TRPC6: variants seen among roughly 807,000 people sequenced by gnomAD.
The protein encoded by TRPC6 is transient receptor potential cation channel subfamily C member 6.
TRPC6 carries 55 observed loss-of-function variants against 90.7 expected under a neutral mutation model. That is an observed-to-expected ratio of 0.61 (90% CI 0.49 to 0.76). The LOEUF is 0.76. Ranked by LOEUF, TRPC6 falls within the 30% of genes least tolerant of loss-of-function variation. The pLI is 0.00. For missense variants in TRPC6, 989 were observed against 1,122.7 expected (o/e 0.88, Z 1.70); for synonymous variants, 393 against 393.0 (o/e 1.00, Z 0.00).
chr11:101,453,849 C>T, intron 11 of TRPC6, 124 bp from the exon 12 acceptor site: 2 of 898,784 alleles, frequency 2.2e-6, no homozygotes, highest in South Asian at 1.4e-5. Flanking sequence ...CTGTCAAGGA[C>T]TAAGATGATT....
chr11:101,548,002 A>C (rs574041476), intron 1 of TRPC6, among the ~76,000 whole-genome samples: 1 of 152,240 alleles, frequency 6.6e-6, no homozygotes, highest in South Asian at 2.1e-4. Flanking sequence ...AACTGTATCC[A>C]GGAGATGCCA....
At chr11:101,520,022 A>T in intron 1 of TRPC6, 1 of 152,104 alleles carries the variant, frequency 6.6e-6, no homozygotes, top group East Asian at 2.0e-4. Context: ...ACCTGAGCAC[A>T]CACTCTCAAT....
intron 9 of TRPC6, among the ~76,000 whole-genome samples, chr11:101,470,893 A>G (rs985627194): frequency 6.8e-6 from 1 of 147,784 alleles, no homozygotes; most frequent in African/African-American, 2.5e-5. Context: ...ACATGTAGCC[A>G]TAACAGCAAA....
chr11:101,486,460 A>G (rs1019584195), intron 4 of TRPC6, among the ~76,000 whole-genome samples: 1 of 152,164 alleles, frequency 6.6e-6, no homozygotes, highest in Non-Finnish European at 1.5e-5. Context: ...GTATTTATTG[A>G]TGACTAAATA....
At chr11:101,479,872 A>G (rs1246358639) in intron 5 of TRPC6, among the ~76,000 whole-genome samples, 4 of 152,190 alleles carry the variant, frequency 2.6e-5, no homozygotes, top group Non-Finnish European at 5.9e-5. Flanking sequence ...AAAAATATAT[A>G]TAAAGTTTAA....
intron 1 of TRPC6, among the ~76,000 whole-genome samples, chr11:101,510,841 G>A (rs1407533950): frequency 6.6e-6 from 1 of 152,102 alleles, no homozygotes; most frequent in Non-Finnish European, 1.5e-5. Context: ...TCTACTTCCT[G>A]TTCAACTATG....
chr11:101,453,419 C>A (rs1858808740), intron 12 of TRPC6, among the ~76,000 whole-genome samples: 1 of 152,152 alleles, frequency 6.6e-6, no homozygotes. Flanking sequence ...CCCTCCAAGT[C>A]CACCATAAGA....
intron 1 of TRPC6, among the ~76,000 whole-genome samples, chr11:101,573,190 C>T (rs1486134323): frequency 3.3e-5 from 5 of 152,078 alleles, no homozygotes; most frequent in Admixed American, 3.3e-4. Flanking sequence ...TTGTATAAGG[C>T]AGGCATTAAT....
At chr11:101,531,910 C>T (rs1860920259) in intron 1 of TRPC6, among the ~76,000 whole-genome samples, 1 of 152,170 alleles carries the variant, frequency 6.6e-6, no homozygotes, top group Non-Finnish European at 1.5e-5. Context: ...CTCCTATCTG[C>T]CTGTTTTAGC....
intron 1 of TRPC6, among the ~76,000 whole-genome samples, chr11:101,559,235 G>T (rs58720814): frequency 0.029 from 4,461 of 152,138 alleles, 218 homozygotes; most frequent in African/African-American, 0.088. Context: ...CATCCAAATG[G>T]CCAGAGATAT....
intron 1 of TRPC6, among the ~76,000 whole-genome samples, chr11:101,514,962 TC>T (rs1297438208): frequency 3.9e-5 from 6 of 152,190 alleles, no homozygotes; most frequent in Admixed American, 2.6e-4. Flanking sequence ...GAATCCTTAC[TC>T]TGTCAGTTAC....
Position 101,452,507 on chromosome 11 carries a change from T to C in TRPC6, c.*448A>G. On this transcript the variant is annotated 3_prime_UTR_variant, in exon 13 of 13. Coordinates refer to ENST00000344327, the MANE Select transcript of TRPC6 (RefSeq NM_004621.6). ...AGGATTAAAGCATTCTAAAGGCCCA[T>C]GGGCTACTTTTTCCCAAATTTCAGA... The C allele has an allele frequency of 5.5e-6, 1 of 180,256 alleles. No homozygotes were observed. Among genetic ancestry groups the C allele is most frequent in the Admixed American group, 5.4e-5 (1 of 18,532 alleles). The allele number at this position is 180,256 out of a possible 1,614,324, so 11.2% of individuals were successfully genotyped here. A position where few individuals can be genotyped will look rare whatever the true frequency, so the allele number is the denominator to read the frequency against.
chr11:101,507,958 C>A (rs942628152), intron 1 of TRPC6, among the ~76,000 whole-genome samples: 1 of 151,890 alleles, frequency 6.6e-6, no homozygotes, highest in African/African-American at 2.4e-5. Context: ...CTTATCTTTT[C>A]TATTTCCAAT....
chr11:101,510,588 A>AAATATGGTT (rs1860373917), intron 1 of TRPC6, among the ~76,000 whole-genome samples: 1 of 152,204 alleles, frequency 6.6e-6, no homozygotes, highest in Non-Finnish European at 1.5e-5. Context: ...GGTGTTTATC[A>AAATATGGTT]CAACATATAA....
chr11:101,512,502 A>G (rs1248937161), intron 1 of TRPC6, among the ~76,000 whole-genome samples: 1 of 152,200 alleles, frequency 6.6e-6, no homozygotes, highest in Non-Finnish European at 1.5e-5. Flanking sequence ...TTATAAAACA[A>G]CATCTGACAT....
At chr11:101,470,282 C>G (rs566912765) in intron 9 of TRPC6, among the ~76,000 whole-genome samples, 11 of 152,272 alleles carry the variant, frequency 7.2e-5, no homozygotes, top group South Asian at 6.2e-4. Flanking sequence ...TGGCCCATTG[C>G]TTTTCTTCCC....
At chr11:101,539,801 C>T (rs1416539366) in intron 1 of TRPC6, among the ~76,000 whole-genome samples, 5 of 152,086 alleles carry the variant, frequency 3.3e-5, no homozygotes, top group East Asian at 1.9e-4. Context: ...GCATTAGGAG[C>T]GTTACATTAA....
intron 3 of TRPC6, chr11:101,491,333 C>T (rs1018198149): frequency 4.8e-6 from 2 of 420,330 alleles, no homozygotes; most frequent in African/African-American, 4.1e-5. Context: ...ACTTGGGAGG[C>T]TGAGGCAGGA....
At chr11:101,548,624 G>T (rs1313439391) in intron 1 of TRPC6, among the ~76,000 whole-genome samples, 1 of 150,918 alleles carries the variant, frequency 6.6e-6, no homozygotes, top group East Asian at 1.9e-4. Flanking sequence ...TGATAGCAAA[G>T]CTCGTACCAT....
Sources: allele counts gnomAD v4.1 joint callset (sites outside exome capture counted in the v4.1 genomes callset), GRCh38; gene constraint gnomAD v4.1.1; transcripts MANE v1.5; gene names NCBI Gene and HGNC (gene_info 2026-07-23, HGNC 2026-07-21).